Variants in GNAL observed in about 807,000 individuals in gnomAD.
GNAL encodes G protein subunit alpha L.
GNAL carries 18 observed loss-of-function variants against 55.1 expected under a neutral mutation model. The ratio of observed to expected loss-of-function variants is 0.33; its 90% CI spans 0.23 to 0.48. GNAL has a LOEUF of 0.48. Ranked by LOEUF, GNAL falls within the 20% of genes least tolerant of loss-of-function variation. The pLI, the probability that GNAL is intolerant of heterozygous loss-of-function variation, is 0.99. For missense variants in GNAL, 412 were observed against 614.1 expected (o/e 0.67, Z 3.48); for synonymous variants, 253 against 237.0 (o/e 1.07, Z -0.62).
intron 4 of GNAL, among the ~76,000 whole-genome samples, chr18:11,791,013 A>T (rs141762985): frequency 6.6e-6 from 1 of 152,302 alleles, no homozygotes; most frequent in East Asian, 1.9e-4. Context: ...AAAACCAGAA[A>T]CTACTATTTA....
chr18:11,875,344 T>A (rs1386865446), intron 10 of GNAL, among the ~76,000 whole-genome samples: 2 of 152,198 alleles, frequency 1.3e-5, no homozygotes, highest in Non-Finnish European at 2.9e-5. Flanking sequence ...CTGTCTTGCT[T>A]GCGCTGCTGT....
intron 1 of GNAL, among the ~76,000 whole-genome samples, chr18:11,750,150 G>A (rs2032782516): frequency 6.6e-6 from 1 of 152,192 alleles, no homozygotes; most frequent in Non-Finnish European, 1.5e-5. Context: ...AACGGGATGC[G>A]GTAACTGTTG....
chr18:11,825,186 A>G (rs151330420), intron 5 of GNAL, among the ~76,000 whole-genome samples, 171 bp downstream of exon 5: 1 of 152,342 alleles, frequency 6.6e-6, no homozygotes, highest in African/African-American at 2.4e-5. Flanking sequence ...GGAAAATTGA[A>G]AATCCAGTAA....
chr18:11,739,203 GA>G (rs1044635018), intron 1 of GNAL, among the ~76,000 whole-genome samples: 1 of 152,134 alleles, frequency 6.6e-6, no homozygotes, highest in African/African-American at 2.4e-5. Context: ...CTCAAACTTA[GA>G]AAAAAGTTGC....
intron 4 of GNAL, among the ~76,000 whole-genome samples, chr18:11,807,591 T>G (rs963738143): frequency 1.3e-5 from 2 of 152,132 alleles, no homozygotes; most frequent in Admixed American, 1.3e-4. Flanking sequence ...ACTTGCTGAG[T>G]TGTAGTTGCC....
At chr18:11,796,939 A>G (rs972164300) in intron 4 of GNAL, among the ~76,000 whole-genome samples, 2 of 151,954 alleles carry the variant, frequency 1.3e-5, no homozygotes, top group East Asian at 1.9e-4. Flanking sequence ...TTTTCTTTTC[A>G]TCTGAGGATA....
chr18:11,701,499 G>A (rs2031568492), intron 1 of GNAL, among the ~76,000 whole-genome samples: 1 of 146,572 alleles, frequency 6.8e-6, no homozygotes, highest in Admixed American at 7.0e-5. Context: ...GCTGAGGCAG[G>A]AAGTTGCAAT....
intron 10 of GNAL, chr18:11,874,329 AAC>A (rs1245664079): frequency 1.3e-5 from 2 of 152,012 alleles, no homozygotes; most frequent in African/African-American, 4.8e-5. Context: ...AAAAGGAACT[AAC>A]AGTTGGTCCA....
intron 4 of GNAL, among the ~76,000 whole-genome samples, chr18:11,822,722 G>C (rs538205846): frequency 6.6e-6 from 1 of 152,260 alleles, no homozygotes; most frequent in East Asian, 1.9e-4. Context: ...TCCATGGCTG[G>C]TTGGGTAGTA....
intron 4 of GNAL, among the ~76,000 whole-genome samples, chr18:11,816,445 C>T (rs990579694): frequency 6.6e-6 from 1 of 151,864 alleles, no homozygotes; most frequent in South Asian, 2.1e-4. Flanking sequence ...TACAGGCGCC[C>T]GCCACCACAC....
intron 4 of GNAL, among the ~76,000 whole-genome samples, chr18:11,799,756 A>G (rs983344305): frequency 7.2e-5 from 11 of 152,130 alleles, no homozygotes; most frequent in African/African-American, 2.4e-4. Context: ...CTACTTTTGC[A>G]TATAGTTTTT....
At chr18:11,779,348 C>T (rs1225352603) in intron 4 of GNAL, among the ~76,000 whole-genome samples, 2 of 152,184 alleles carry the variant, frequency 1.3e-5, no homozygotes, top group African/African-American at 4.8e-5. Flanking sequence ...CTACTAACTG[C>T]ACATTACATA....
At chr18:11,755,637 G>A (rs1311315671) in intron 4 of GNAL, among the ~76,000 whole-genome samples, 3 of 152,116 alleles carry the variant, frequency 2.0e-5, no homozygotes, top group African/African-American at 7.2e-5. Context: ...CTTCTGATAA[G>A]CATGCCAGTG....
rs894728527 is a variant in GNAL, at chr18:11,827,928, G to A, written c.722+2913G>A. On this transcript the variant is annotated intron_variant, in intron 5 of 11. Coordinates refer to ENST00000334049, the MANE Select transcript of GNAL (RefSeq NM_182978.4). ...GGAGCTTGCAGTGAGCCGAGATCGCGCCACTGCACTCCAGCCTGGGCGACA... is the reference window on the plus strand; with the variant it reads ...GGAGCTTGCAGTGAGCCGAGATCGCACCACTGCACTCCAGCCTGGGCGACA... Among the ~76,000 whole-genome samples the A allele has an allele frequency of 4.7e-5, 7 of 148,964 alleles. No homozygotes were observed. In the South Asian group the frequency reaches 6.4e-4, roughly 14 times the overall value.
At chr18:11,749,748 G>A (rs906274951) in intron 1 of GNAL, among the ~76,000 whole-genome samples, 1 of 152,220 alleles carries the variant, frequency 6.6e-6, no homozygotes, top group Non-Finnish European at 1.5e-5. Context: ...GGGAGGCAGT[G>A]AGGCCCAGCT....
intron 1 of GNAL, among the ~76,000 whole-genome samples, chr18:11,699,370 GTTT>G (rs906975665): frequency 6.8e-6 from 1 of 147,228 alleles, no homozygotes; most frequent in African/African-American, 2.5e-5. Flanking sequence ...AATTTTTGGG[GTTT>G]TTTTTTTATT....
chr18:11,857,752 T>A (rs2036042189), intron 5 of GNAL: 1 of 984,980 alleles, frequency 1.0e-6, no homozygotes, highest in Non-Finnish European at 1.2e-6. Flanking sequence ...TAACTCTGGC[T>A]GTGCATTACA....
At chr18:11,787,514 C>G (rs537777536) in intron 4 of GNAL, among the ~76,000 whole-genome samples, 18 of 152,292 alleles carry the variant, frequency 1.2e-4, no homozygotes, top group African/African-American at 4.3e-4. Flanking sequence ...TGTTGTTTGG[C>G]AGCCATCATG....
At chr18:11,722,215 A>T (rs956599354) in intron 1 of GNAL, among the ~76,000 whole-genome samples, 1 of 152,218 alleles carries the variant, frequency 6.6e-6, no homozygotes, top group East Asian at 1.9e-4. Flanking sequence ...TTGCAATCAA[A>T]CATGATTTAA....
Sources: gnomAD v4.1 joint callset for allele counts (sites outside exome capture counted in the v4.1 genomes callset) on GRCh38, gnomAD v4.1.1 for gene constraint, MANE v1.5 for transcripts, NCBI Gene and HGNC (gene_info 2026-07-23, HGNC 2026-07-21) for gene names.